The following CDC42BPA variants were observed in gnomAD, a reference collection of about 807,000 sequenced individuals.
The protein encoded by CDC42BPA is serine/threonine-protein kinase MRCK alpha.
In CDC42BPA, 80 loss-of-function variants were observed where a neutral mutation model predicts 223.5. The ratio of observed to expected loss-of-function variants is 0.36; its 90% CI spans 0.30 to 0.43. The LOEUF (loss-of-function observed/expected upper bound fraction) is 0.43, where lower values mean the gene tolerates loss of function less well. CDC42BPA is among the 20% of genes least tolerant of loss of function. The probability of loss-of-function intolerance (pLI) is 1.00; values close to 1 mark genes in which losing one functional copy is unlikely to be tolerated. For missense variants in CDC42BPA, 1,743 were observed against 2,099.9 expected (o/e 0.83, Z 3.32); for synonymous variants, 694 against 718.6 (o/e 0.97, Z 0.55).
In CDC42BPA at chr1:226,995,968, T is replaced by C. The variant is rs16846780; in HGVS notation, c.4976-988A>G. The stretch of plus-strand genomic sequence containing the variant: ...TTCACATTAAGAATTCAGTGAAAAA[T>C]GTCAAAAAATGATAGTTTAAAGCAG... On this transcript the variant is annotated intron_variant, in intron 35 of 36. Coordinates refer to ENST00000366766, the MANE Select transcript of CDC42BPA (RefSeq NM_001394014.1). 2.6e-3 allele frequency among the ~76,000 whole-genome samples: 391 copies of C among 152,234 alleles called. 9 individuals carry two copies. The East Asian group carries it at 0.048, about 19-fold the overall frequency.
chr1:227,056,574 TA>T (rs1674607645), intron 21 of CDC42BPA, among the ~76,000 whole-genome samples: 3 of 152,028 alleles, frequency 2.0e-5, no homozygotes, highest in Admixed American at 2.0e-4. Flanking sequence ...AATTTTTTTG[TA>T]GAGGCAGGGT....
chr1:227,050,211 T>C (rs1673263903), intron 22 of CDC42BPA, among the ~76,000 whole-genome samples: 1 of 152,136 alleles, frequency 6.6e-6, no homozygotes, highest in Non-Finnish European at 1.5e-5. Flanking sequence ...AAATCATCAA[T>C]GGTCAATAAA....
chr1:227,001,350 C>G (rs1040854813), intron 35 of CDC42BPA, among the ~76,000 whole-genome samples: 2 of 152,112 alleles, frequency 1.3e-5, no homozygotes, highest in Admixed American at 1.3e-4. Flanking sequence ...CAGCTGGTAA[C>G]CAGGGACATA....
chr1:227,250,640 ATGTGTGTGTG>A, intron 2 of CDC42BPA, among the ~76,000 whole-genome samples: 1 of 150,926 alleles, frequency 6.6e-6, no homozygotes, highest in East Asian at 1.9e-4. Flanking sequence ...GTGTGTGTGT[ATGTGTGTGTG>A]TGTATACCAT....
At chr1:227,212,373 C>G (rs137989543) in intron 3 of CDC42BPA, among the ~76,000 whole-genome samples, 1 of 152,250 alleles carries the variant, frequency 6.6e-6, no homozygotes, top group African/African-American at 2.4e-5. Context: ...ACTAATCTTA[C>G]TAACTTCCAG....
At chr1:227,283,599 G>GA (rs1287445495) in intron 1 of CDC42BPA, among the ~76,000 whole-genome samples, 4 of 152,006 alleles carry the variant, frequency 2.6e-5, no homozygotes, top group African/African-American at 4.8e-5. Flanking sequence ...AAAAATGGAG[G>GA]AAAAAAACTC....
chr1:227,020,766 T>G (rs1217332279), intron 32 of CDC42BPA, among the ~76,000 whole-genome samples: 1 of 152,334 alleles, frequency 6.6e-6, no homozygotes, highest in Non-Finnish European at 1.5e-5. Context: ...AACTTTTCCT[T>G]TGCACTCATG....
At chr1:227,180,854 A>C (rs919417170) in intron 5 of CDC42BPA, among the ~76,000 whole-genome samples, 7 of 151,642 alleles carry the variant, frequency 4.6e-5, no homozygotes, top group Non-Finnish European at 1.0e-4. Context: ...TATAGTTCAC[A>C]ATCTAAATAG....
chr1:227,007,424 A>G (rs528443150), intron 34 of CDC42BPA, among the ~76,000 whole-genome samples: 41 of 152,324 alleles, frequency 2.7e-4, no homozygotes, highest in Non-Finnish European at 4.6e-4. Flanking sequence ...ATACTCATGA[A>G]CTGTAGAATA....
chr1:227,147,585 T>C (rs1426070782), intron 6 of CDC42BPA, 26 bp from the exon 7 acceptor site: 3 of 1,308,748 alleles, frequency 2.3e-6, no homozygotes, highest in African/African-American at 3.0e-5. Flanking sequence ...TTTTTATTAA[T>C]CTCCTATATT....
chr1:227,239,100 GAA>G (rs1047082545), intron 2 of CDC42BPA, among the ~76,000 whole-genome samples: 65 of 152,236 alleles, frequency 4.3e-4, no homozygotes, highest in African/African-American at 1.6e-3. Flanking sequence ...GCACTAAAAA[GAA>G]AAGAGCTATC....
At chr1:227,222,292 T>TA (rs1465128403) in intron 2 of CDC42BPA, among the ~76,000 whole-genome samples, 2 of 151,904 alleles carry the variant, frequency 1.3e-5, no homozygotes, top group East Asian at 3.9e-4. Context: ...GCGGATCACT[T>TA]AAAGTTAGGA....
chr1:227,119,621 T>C (rs1457660232), intron 12 of CDC42BPA, among the ~76,000 whole-genome samples, 183 bp downstream of exon 12: 1 of 152,096 alleles, frequency 6.6e-6, no homozygotes, highest in Non-Finnish European at 1.5e-5. Flanking sequence ...TCAACAAAGT[T>C]TCTTAATTTC....
At chr1:227,250,235 C>T (rs1681732576) in intron 2 of CDC42BPA, among the ~76,000 whole-genome samples, 2 of 152,132 alleles carry the variant, frequency 1.3e-5, no homozygotes, top group Non-Finnish European at 2.9e-5. Context: ...ACCTGTTAAT[C>T]CCAGCACTTT....
chr1:227,267,614 A>C lies in CDC42BPA; in HGVS notation c.179-13459T>G, dbSNP rs572292444. 2.0e-5 allele frequency among the ~76,000 whole-genome samples: 3 copies of C among 152,308 alleles called. No individual in the cohort carries two copies. The South Asian group carries it at 6.2e-4, about 32-fold the overall frequency. On this transcript the variant is annotated intron_variant, in intron 1 of 36. Coordinates refer to ENST00000366766, the MANE Select transcript of CDC42BPA (RefSeq NM_001394014.1). ...TACTACCTGAGACTGGGTAATTTAT[A>C]AACAAAAGAGGTTTAATTGACTTAC...
At chr1:227,202,502 C>T (rs1211944299) in intron 3 of CDC42BPA, among the ~76,000 whole-genome samples, 4 of 152,010 alleles carry the variant, frequency 2.6e-5, no homozygotes, top group African/African-American at 7.3e-5. Flanking sequence ...AATAAACATT[C>T]GTTATTTAAT....
intron 11 of CDC42BPA, among the ~76,000 whole-genome samples, chr1:227,125,432 C>T (rs1054984033): frequency 5.3e-5 from 8 of 151,522 alleles, no homozygotes; most frequent in Non-Finnish European, 1.2e-4. Flanking sequence ...GGCAACACAG[C>T]GAGACCCCGT....
At chr1:227,120,084 A>G in intron 11 of CDC42BPA, 147 bp from the exon 12 acceptor site, 1 of 543,612 alleles carries the variant, frequency 1.8e-6, no homozygotes, top group Non-Finnish European at 3.1e-6. Context: ...CTCTTGACAA[A>G]TTAAATGCAT....
chr1:227,144,754 A>G (rs1660398813), intron 8 of CDC42BPA, among the ~76,000 whole-genome samples: 1 of 152,104 alleles, frequency 6.6e-6, no homozygotes, highest in Admixed American at 6.5e-5. Flanking sequence ...TGGTTGAATT[A>G]TTTGGCTATT....
Sources: gnomAD v4.1 joint callset for allele counts (sites outside exome capture counted in the v4.1 genomes callset) on GRCh38, gnomAD v4.1.1 for gene constraint, MANE v1.5 for transcripts, NCBI Gene and HGNC (gene_info 2026-07-23, HGNC 2026-07-21) for gene names.